PDK1: variants seen among roughly 807,000 people sequenced by gnomAD.
The protein encoded by PDK1 is pyruvate dehydrogenase kinase 1.
Under a neutral mutation model 54.2 loss-of-function variants are expected in PDK1, and 39 were observed. The observed-to-expected ratio is 0.72, with a 90% CI of 0.56 to 0.94. The LOEUF is 0.94. Among genes scored for constraint, PDK1 ranks in the 40% least tolerant of loss-of-function variants. PDK1 has a pLI of 0.00. For synonymous variants in PDK1, 221 were observed against 207.1 expected (o/e 1.07, Z -0.58); for missense variants, 552 against 566.0 (o/e 0.98, Z 0.25).
chr2:172,699,428 G>A, the PDK1 span, among the ~76,000 whole-genome samples: 1 of 149,726 alleles, frequency 6.7e-6, no homozygotes, highest in Non-Finnish European at 1.5e-5. Context: ...CAACTGAATC[G>A]TTCATATTTT....
At chr2:172,627,985 A>G in the PDK1 span, among the ~76,000 whole-genome samples, 1 of 152,148 alleles carries the variant, frequency 6.6e-6, no homozygotes, top group Admixed American at 6.5e-5. Flanking sequence ...TGGACCTAAC[A>G]TTCTTTTCTG....
the PDK1 span, among the ~76,000 whole-genome samples, chr2:172,644,588 C>T: frequency 6.6e-6 from 1 of 152,122 alleles, no homozygotes; most frequent in Non-Finnish European, 1.5e-5. Flanking sequence ...AAAATGTTTG[C>T]CTATATGGAT....
chr2:172,573,937 T>C (rs1021700143), intron 8 of PDK1, among the ~76,000 whole-genome samples: 1 of 152,186 alleles, frequency 6.6e-6, no homozygotes, highest in Non-Finnish European at 1.5e-5. Context: ...CCAAAGTTTT[T>C]AGTTTTGAAA....
At chr2:172,697,123 TAGAG>T in the PDK1 span, among the ~76,000 whole-genome samples, 1 of 152,058 alleles carries the variant, frequency 6.6e-6, no homozygotes, top group East Asian at 1.9e-4. Context: ...TTACCCCAAA[TAGAG>T]AGGGCTCCTT....
chr2:172,613,105 G>C (rs540475731), downstream of PDK1, among the ~76,000 whole-genome samples: 1 of 152,330 alleles, frequency 6.6e-6, no homozygotes, highest in Non-Finnish European at 1.5e-5. Flanking sequence ...AAGCAGTACT[G>C]GGCATAGAGA....
rs567638991 is a variant in PDK1, at chr2:172,576,282, C to T, written c.945+5458C>T. On this transcript the variant is annotated intron_variant, in intron 8 of 10. Coordinates refer to ENST00000282077, the MANE Select transcript of PDK1 (RefSeq NM_002610.5). ...TTTCATTTAGGTTATCTAATTATTA[C>T]ACACAATTGTTCATAGTATTCCCTA... Among the ~76,000 whole-genome samples the T allele has an allele frequency of 5.9e-5, 9 of 152,264 alleles. No individual in the cohort carries two copies. The South Asian group carries it at 1.7e-3, about 28-fold the overall frequency.
chr2:172,678,820 A>G, the PDK1 span: 1 of 152,168 alleles, frequency 6.6e-6, no homozygotes, highest in African/African-American at 2.4e-5. Flanking sequence ...AGGCAGAAAA[A>G]CCTTTGAGAA....
chr2:172,700,060 G>A, the PDK1 span, among the ~76,000 whole-genome samples: 4 of 152,178 alleles, frequency 2.6e-5, no homozygotes. Context: ...GTTTCAGAGA[G>A]CACGGGGCTG....
At chr2:172,584,151 G>C (rs1263562571) in intron 8 of PDK1, among the ~76,000 whole-genome samples, 3 of 152,010 alleles carry the variant, frequency 2.0e-5, no homozygotes, top group Admixed American at 2.0e-4. Flanking sequence ...TAAAATTGCT[G>C]GTAGATGGAA....
Position 172,596,204 on chromosome 2 carries a change from A to G in PDK1, c.*235A>G. On this transcript the variant is annotated 3_prime_UTR_variant, in exon 11 of 11. Coordinates refer to ENST00000282077, the MANE Select transcript of PDK1 (RefSeq NM_002610.5). ...ATTGAACATATTTTTAAACAACTGT[A>G]GTTTTGGGCAACTTTTCACTTTGTG... 3.0e-6 allele frequency: 1 copy of G among 330,558 alleles called. No individual in the cohort carries two copies. Among genetic ancestry groups the G allele is most frequent in the Admixed American group, 4.4e-5 (1 of 22,866 alleles). The allele number at this position is 330,558 out of a possible 1,614,324, so 20.5% of individuals were successfully genotyped here. A position where few individuals can be genotyped will look rare whatever the true frequency, so the allele number is the denominator to read the frequency against.
the PDK1 span, among the ~76,000 whole-genome samples, chr2:172,691,089 C>T: frequency 6.7e-6 from 1 of 150,132 alleles, no homozygotes; most frequent in Non-Finnish European, 1.5e-5. Context: ...GTGAAGTTAC[C>T]CTTGGTTTTT....
chr2:172,620,951 G>T, the PDK1 span, among the ~76,000 whole-genome samples: 1 of 138,318 alleles, frequency 7.2e-6, no homozygotes, highest in Admixed American at 7.2e-5. Context: ...GCCTAATACA[G>T]GCTCAAAGGA....
chr2:172,716,100 A>G, the PDK1 span, among the ~76,000 whole-genome samples: 1 of 152,368 alleles, frequency 6.6e-6, no homozygotes, highest in South Asian at 2.1e-4. Flanking sequence ...TCCATTAGCA[A>G]AAATGAACAA....
At chr2:172,643,633 C>G in the PDK1 span, among the ~76,000 whole-genome samples, 1 of 152,116 alleles carries the variant, frequency 6.6e-6, no homozygotes, top group Non-Finnish European at 1.5e-5. Context: ...GGCCAAGGGG[C>G]AGCTGCTTGT....
the PDK1 span, among the ~76,000 whole-genome samples, chr2:172,683,344 CAAA>C: frequency 7.8e-3 from 1,012 of 129,930 alleles, 11 homozygotes; most frequent in African/African-American, 0.025. Flanking sequence ...GAAACTCCGT[CAAA>C]AAAAAAAAAA....
chr2:172,707,542 C>G, the PDK1 span, among the ~76,000 whole-genome samples: 1 of 152,164 alleles, frequency 6.6e-6, no homozygotes, highest in African/African-American at 2.4e-5. Flanking sequence ...TTCGACAGCT[C>G]CAGGTCTGGG....
intron 8 of PDK1, among the ~76,000 whole-genome samples, chr2:172,585,142 GT>G (rs375440249): frequency 1.2e-4 from 18 of 150,702 alleles, no homozygotes; most frequent in African/African-American, 4.2e-4. Flanking sequence ...GATCACAGTT[GT>G]ATGCCACCAT....
rs140865162 is a variant in PDK1 at position 172,589,309 on chromosome 2, A to G, written c.1056+2921A>G. 6.0e-3 allele frequency among the ~76,000 whole-genome samples: 908 copies of G among 152,340 alleles called. 15 individuals are homozygous for G. The highest frequency in any genetic ancestry group is 0.02 in the African/African-American group (847 of 41,574). On this transcript the variant is annotated intron_variant, in intron 9 of 10. Coordinates refer to ENST00000282077, the MANE Select transcript of PDK1 (RefSeq NM_002610.5). ...GCCTTTTTACAAAGAAACTAATTACATAGGTGTAGGTAAAGATAGCACAGG... is the reference window on the plus strand; with the variant it reads ...GCCTTTTTACAAAGAAACTAATTACGTAGGTGTAGGTAAAGATAGCACAGG...
chr2:172,686,905 T>G, the PDK1 span, among the ~76,000 whole-genome samples: 1 of 152,220 alleles, frequency 6.6e-6, no homozygotes, highest in Admixed American at 6.5e-5. Context: ...ACAACTAAAA[T>G]GAACTTAATC....
Sources: allele counts gnomAD v4.1 joint callset (sites outside exome capture counted in the v4.1 genomes callset), GRCh38; gene constraint gnomAD v4.1.1; transcripts MANE v1.5; gene names NCBI Gene and HGNC (gene_info 2026-07-23, HGNC 2026-07-21).